The following NFKBIA variants were observed in gnomAD, a reference collection of about 807,000 sequenced individuals.
NFKBIA encodes the protein NF-kappa-B inhibitor alpha.
In NFKBIA, 10 loss-of-function variants were observed where a neutral mutation model predicts 36.3. The ratio of observed to expected loss-of-function variants is 0.28; its 90% confidence interval spans 0.17 to 0.47. The LOEUF is 0.47. Ranked by LOEUF, NFKBIA falls within the 20% of genes least tolerant of loss-of-function variation. The pLI is 0.99. For missense variants in NFKBIA, 355 were observed against 399.3 expected (o/e 0.89, Z 0.94); for synonymous variants, 205 against 164.4 (o/e 1.25, Z -1.89).
At chr14:35,403,960 C>T (rs2052758615) in intron 1 of NFKBIA, 162 bp from the exon 2 acceptor site, 2 of 657,100 alleles carry the variant, frequency 3.0e-6, no homozygotes, top group Admixed American at 4.5e-5. Context: ...TGGCAGGCGC[C>T]CAGGGACTTT....
rs763076696 is a variant in NFKBIA, at chr14:35,404,424, C to G, written c.221G>C (p.Gly74Ala). 78 of 1,584,654 alleles carry G rather than the reference C, an allele frequency of 4.9e-5. 1 individual carries two copies. The South Asian group carries it at 8.3e-4, about 17-fold the overall frequency. ...CCGGGCCTCCGCCACTTACGAGTCCCCGTCCTCGGTGAGCTGCTGCTTCCA... is the reference window on the plus strand; with the variant it reads ...CCGGGCCTCCGCCACTTACGAGTCCGCGTCCTCGGTGAGCTGCTGCTTCCA... ...EPWKQQLTED[G>A]DSFLHLAIIH... is the part of the protein sequence containing the mutation. The change falls in exon 1 of 6, where the codon GGG (glycine) becomes GCG (alanine). Residue 74 changes from glycine (G) to alanine (A), a missense_variant. Physicochemically the swap from Gly to Ala is moderately conservative, Grantham distance 60. Transcript: ENST00000216797.
chr14:35,402,340 G>A (rs1324524781), intron 5 of NFKBIA, 54 bp downstream of exon 5: 8 of 1,607,458 alleles, frequency 5.0e-6, no homozygotes, highest in East Asian at 4.5e-5. Flanking sequence ...GCCTGGGAGG[G>A]TGAAGGGAAT....
At position 35,403,769 on chromosome 14, in the gene NFKBIA, T is replaced by C; in HGVS notation, c.257A>G (p.Glu86Gly). Residue 86 changes from glutamate (E) to glycine (G), a missense_variant, in exon 2 of 6, where the codon GAA becomes GGA. By Grantham distance (98) the Glu-to-Gly change is moderately conservative. Transcript: ENST00000216797. ...GATCACTTCCATGGTCAGTGCCTTT[T>C]CTTCATGGATGATGGCCAAGTGCAG... ...SFLHLAIIHE[E>G]KALTMEVIRQ... 1 of 1,613,938 alleles carries C rather than the reference T, an allele frequency of 6.2e-7. No individual in the cohort carries two copies. Among genetic ancestry groups the C allele is most frequent in the Non-Finnish European group, 8.5e-7 (1 of 1,179,942 alleles).
At position 35,401,893 on chromosome 14, in the gene NFKBIA, G is replaced by A; in HGVS notation, c.*120C>T. ...ACAATAAGACGTTTTGGGCCAGGCA[G>A]TGTGCAGTGTGGATATAAGTACACC... is the stretch of plus-strand genomic sequence containing the variant. On this transcript the variant is annotated 3_prime_UTR_variant, in exon 6 of 6. Coordinates refer to ENST00000216797, the MANE Select transcript of NFKBIA (RefSeq NM_020529.3). The A allele has an allele frequency of 9.0e-7, 1 of 1,115,122 alleles. No homozygotes were observed. The highest frequency in any genetic ancestry group is 1.3e-6 in the Non-Finnish European group (1 of 743,464). The allele number at this position is 1,115,122 out of a possible 1,614,324, so 69.1% of individuals were successfully genotyped here. A position where few individuals can be genotyped will look rare whatever the true frequency, so the allele number is the denominator to read the frequency against.
Position 35,404,571 on chromosome 14 carries a change from A to T in NFKBIA, c.74T>A (p.Leu25Gln), listed in dbSNP as rs758102701. The change falls in exon 1 of 6, where the codon CTA becomes CAA. Residue 25 changes from leucine (L) to glutamine (Q), a missense_variant. By Grantham distance (113) the Leu-to-Gln change is moderately radical (BLOSUM62 -2). Coordinates refer to ENST00000216797, the MANE Select transcript of NFKBIA (RefSeq NM_020529.3). The part of the protein sequence containing the change: ...GPRDGLKKER[L>Q]LDDRHDSGLD... The stretch of plus-strand genomic sequence containing the variant: ...GCCGCTGTCGTGGCGGTCGTCCAGT[A>T]GCCGCTCCTTCTTCAGCCCGTCGCG... 1 of 1,593,322 alleles carries T rather than the reference A, an allele frequency of 6.3e-7. No individual in the cohort carries two copies. Among genetic ancestry groups the T allele is most frequent in the Admixed American group, 1.7e-5 (1 of 57,692 alleles).
At position 35,404,522 on chromosome 14, in the gene NFKBIA, C is replaced by G. The variant is rs1566591059; in HGVS notation, c.123G>C (p.Glu41Asp). 6.2e-7 allele frequency: 1 copy of G among 1,604,444 alleles called. No individual in the cohort carries two copies. The highest frequency in any genetic ancestry group is 2.3e-5 in the East Asian group (1 of 44,226). The change falls in exon 1 of 6, where the codon GAG (glutamate) becomes GAC (aspartate). Residue 41 changes from glutamate (E) to aspartate (D), a missense_variant. Glu to Asp is a conservative substitution (Grantham distance 45). Transcript: ENST00000216797. ...DSGLDSMKDEEYEQMVKELQE... is the reference protein window; with the variant it reads ...DSGLDSMKDEDYEQMVKELQE... ...GCAGCTCCTTGACCATCTGCTCGTA[C>G]TCCTCGTCTTTCATGGAGTCCAGGC...
At chr14:35,402,749 G>C (rs374794247) in intron 4 of NFKBIA, 22 bp downstream of exon 4, 2 of 1,613,784 alleles carry the variant, frequency 1.2e-6, no homozygotes, top group Non-Finnish European at 1.7e-6. Flanking sequence ...GACTCAGTGC[G>C]TCGGGGGCAG....
rs775994528 is a variant in NFKBIA, at chr14:35,403,683, G to A, written c.336+7C>T. 3 of 1,605,368 alleles carry A rather than the reference G, an allele frequency of 1.9e-6. No homozygotes were observed. Among genetic ancestry groups the A allele is most frequent in the Non-Finnish European group, 2.6e-6 (3 of 1,172,868 alleles). On this transcript the variant is annotated splice_region_variant and intron_variant, in intron 2 of 5. Transcript: ENST00000216797. ...CAGAGAGAACCCGGGCCAGGCAAGC[G>A]GCGCACCTGCTGCAGGTTGTTCTGG...
At chr14:35,402,735 G>A (rs1303711565) in intron 4 of NFKBIA, 36 bp downstream of exon 4, 1 of 1,613,728 alleles carries the variant, frequency 6.2e-7, no homozygotes, top group African/African-American at 1.3e-5. Flanking sequence ...AGCACGAGGA[G>A]CCTGACTCAG....
rs2052730502 is a variant in NFKBIA at position 35,401,941 on chromosome 14, T to C, written c.*72A>G. On this transcript the variant is annotated 3_prime_UTR_variant, in exon 6 of 6. Coordinates refer to ENST00000216797, the MANE Select transcript of NFKBIA (RefSeq NM_020529.3). ...ACCCTTTAAATTTTTTCTTCTTTTT[T>C]CTTTTTTTAGAAAAATAAAACTTTT... The C allele has an allele frequency of 4.4e-6, 7 of 1,574,378 alleles. No homozygotes were observed. The highest frequency in any genetic ancestry group is 1.7e-5 in the Admixed American group (1 of 59,566).
intron 3 of NFKBIA, 89 bp from the exon 4 acceptor site, chr14:35,402,948 T>C (rs1363610039): frequency 1.4e-6 from 2 of 1,396,746 alleles, no homozygotes; most frequent in African/African-American, 1.4e-5. Flanking sequence ...AGTCTTATCT[T>C]CTGAATTTTA....
chr14:35,402,312 T>A lies in NFKBIA; in HGVS notation c.906+82A>T, dbSNP rs2052736599. ...ACTCATTATGTAGATACCCCTCTGA[T>A]AAGGAGCAGCTCTAGGGGCCTGGGA... On this transcript the variant is annotated intron_variant, in intron 5 of 5. Coordinates refer to ENST00000216797, the MANE Select transcript of NFKBIA (RefSeq NM_020529.3). 3.9e-6 allele frequency: 6 copies of A among 1,534,720 alleles called. No homozygotes were observed. The South Asian group carries it at 5.6e-5, about 14-fold the overall frequency.
In NFKBIA at chr14:35,404,630, G is replaced by A; in HGVS notation, c.15C>T (p.Ala5=). 1 of 1,516,244 alleles carries A rather than the reference G, an allele frequency of 6.6e-7. No homozygotes were observed. The highest frequency in any genetic ancestry group is 8.8e-7 in the Non-Finnish European group (1 of 1,131,998). The allele number at this position is 1,516,244 out of a possible 1,614,324, so 93.9% of individuals were successfully genotyped here. A position where few individuals can be genotyped will look rare whatever the true frequency, so the allele number is the denominator to read the frequency against. The change falls in exon 1 of 6, where the codon GCC becomes GCT. Residue 5 remains alanine (A), a synonymous_variant. Coordinates refer to ENST00000216797, the MANE Select transcript of NFKBIA (RefSeq NM_020529.3). ...CCATGGCCCACTCCTGGGGGCGCTC[G>A]GCCGCCTGGAACATGGCGCGGACGA... MFQA[A]ERPQEWAMEG...
rs2052767503 is a variant in NFKBIA, at chr14:35,404,480, C to G, written c.165G>C (p.Glu55Asp). 6.2e-7 allele frequency: 1 copy of G among 1,602,714 alleles called. No homozygotes were observed. Among genetic ancestry groups the G allele is most frequent in the Non-Finnish European group, 8.5e-7 (1 of 1,175,122 alleles). ...CCGAGCCGCGCGGCACCTCCTGCGG[C>G]TCGAGGCGGATCTCCTGCAGCTCCT... ...MVKELQEIRLEPQEVPRGSEP... is the reference protein window; with the variant it reads ...MVKELQEIRLDPQEVPRGSEP... Residue 55 changes from glutamate to aspartate, a missense_variant, in exon 1 of 6, where the codon GAG (glutamate) becomes GAC (aspartate). Physicochemically the swap from Glu to Asp is conservative, Grantham distance 45 (BLOSUM62 2). Transcript: ENST00000216797.
chr14:35,402,140 T>C (rs1032541238), intron 5 of NFKBIA, 80 bp from the exon 6 acceptor site: 22 of 1,528,066 alleles, frequency 1.4e-5, no homozygotes, highest in Non-Finnish European at 1.9e-5. Flanking sequence ...AGGCCACTAC[T>C]GGAAATAACT....
At chr14:35,404,055 T>C (rs1201206295) in intron 1 of NFKBIA, 23 of 470,870 alleles carry the variant, frequency 4.9e-5, no homozygotes, top group Non-Finnish European at 7.6e-5. Flanking sequence ...GTACTTCCCC[T>C]CCCGGCTGCT....
At chr14:35,403,499 C>A (rs973584886) in intron 2 of NFKBIA, 139 bp from the exon 3 acceptor site, 3 of 983,704 alleles carry the variant, frequency 3.0e-6, no homozygotes, top group Non-Finnish European at 4.7e-6. Flanking sequence ...AGCAGAGGCT[C>A]CAGGTGGGTC....
At position 35,402,042 on chromosome 14, in the gene NFKBIA, C is replaced by T; in HGVS notation, c.925G>A (p.Val309Met). The T allele has an allele frequency of 2.5e-6, 4 of 1,614,036 alleles. No individual in the cohort carries two copies. The highest frequency in any genetic ancestry group is 1.7e-6 in the Non-Finnish European group (2 of 1,180,016). ...AACGTCAGACGCTGGCCTCCAAACA[C>T]ACAGTCATCATAGGGCAGCTGAAAA... ...TEDELPYDDC[V>M]FGGQRLTL The change falls in exon 6 of 6, where the codon GTG becomes ATG. Residue 309 changes from valine to methionine, a missense_variant. Val to Met is a conservative substitution (Grantham distance 21). Transcript: ENST00000216797.
In NFKBIA at chr14:35,403,171, G is replaced by C. The variant is rs755819611; in HGVS notation, c.526C>G (p.Leu176Val). ...SCTTPHLHSI[L>V]KATNYNGHTC... ...ATACCATTGTAGTTGGTAGCCTTCA[G>C]GATGGAGTGGAGGTGCGGGGTGGTG... The change falls in exon 3 of 6, where the codon CTG becomes GTG. Residue 176 changes from leucine (L) to valine (V), a missense_variant. Coordinates refer to ENST00000216797, the MANE Select transcript of NFKBIA (RefSeq NM_020529.3). 1 of 1,612,034 alleles carries C rather than the reference G, an allele frequency of 6.2e-7. No homozygotes were observed. The highest frequency in any genetic ancestry group is 1.7e-5 in the Admixed American group (1 of 60,014).
Sources: allele counts gnomAD v4.1 joint callset, GRCh38; gene constraint gnomAD v4.1.1; transcripts MANE v1.5; gene names NCBI Gene and HGNC (gene_info 2026-07-23, HGNC 2026-07-21).